The following LRRTM4 variants were observed in gnomAD, a reference collection of about 807,000 sequenced individuals.
The protein encoded by LRRTM4 is leucine-rich repeat transmembrane neuronal protein 4.
LRRTM4 carries 25 observed loss-of-function variants against 47.6 expected under a neutral mutation model. The observed-to-expected ratio is 0.53, with a 90% CI of 0.38 to 0.73. The LOEUF (loss-of-function observed/expected upper bound fraction) is 0.73, where lower values mean the gene tolerates loss of function less well. Ranked by LOEUF, LRRTM4 falls within the 30% of genes least tolerant of loss-of-function variation. LRRTM4 has a pLI of 0.00. For missense variants in LRRTM4, 638 were observed against 713.4 expected (o/e 0.89, Z 1.20); for synonymous variants, 311 against 269.5 (o/e 1.15, Z -1.51).
At chr2:77,501,057 G>A (rs539616827) in intron 3 of LRRTM4, among the ~76,000 whole-genome samples, 15 of 150,966 alleles carry the variant, frequency 9.9e-5, no homozygotes, top group Admixed American at 3.3e-4. Flanking sequence ...ATATGGTTCC[G>A]GAGAGGATAA....
At chr2:77,039,899 C>A (rs180989086) in intron 3 of LRRTM4, among the ~76,000 whole-genome samples, 350 of 150,980 alleles carry the variant, frequency 2.3e-3, no homozygotes, top group Non-Finnish European at 2.6e-3. Flanking sequence ...TAGTAATTTT[C>A]TCATTAGTTA....
chr2:77,262,526 A>T (rs1675945750), intron 3 of LRRTM4, among the ~76,000 whole-genome samples: 1 of 151,218 alleles, frequency 6.6e-6, no homozygotes, highest in Non-Finnish European at 1.5e-5. Context: ...CTGTTCTAGG[A>T]TCCCATCTAG....
In LRRTM4 at chr2:77,082,891, C is replaced by T. The variant is rs539883065; in HGVS notation, c.1552-333975G>A. Among the ~76,000 whole-genome samples the T allele has an allele frequency of 2.0e-5, 3 of 152,124 alleles. No individual in the cohort carries two copies. In the South Asian group the frequency reaches 6.2e-4, roughly 32 times the overall value. ...TTTTACTATTTAATCATTTTTATAACACATTACTTTAGAAGAACGACTTGT... is the reference window on the plus strand; with the variant it reads ...TTTTACTATTTAATCATTTTTATAATACATTACTTTAGAAGAACGACTTGT... On this transcript the variant is annotated intron_variant, in intron 3 of 3. Coordinates refer to ENST00000409884, the MANE Select transcript of LRRTM4 (RefSeq NM_001134745.3).
intron 3 of LRRTM4, among the ~76,000 whole-genome samples, chr2:76,751,744 T>C (rs1672856212): frequency 6.6e-6 from 1 of 152,136 alleles, no homozygotes; most frequent in African/African-American, 2.4e-5. Flanking sequence ...TGGAGATATG[T>C]GGGATTGGTG....
chr2:76,790,501 G>T (rs1396283656), intron 3 of LRRTM4, among the ~76,000 whole-genome samples: 1 of 152,034 alleles, frequency 6.6e-6, no homozygotes. Flanking sequence ...TTAAAATGAG[G>T]AAAATGGAAA....
intron 3 of LRRTM4, among the ~76,000 whole-genome samples, chr2:77,345,512 A>T (rs1036826617): frequency 2.0e-5 from 3 of 151,970 alleles, no homozygotes; most frequent in Non-Finnish European, 2.9e-5. Flanking sequence ...CAACTCATTG[A>T]AGGAGATATA....
At chr2:77,406,348 G>A (rs370786065) in intron 3 of LRRTM4, among the ~76,000 whole-genome samples, 1 of 152,018 alleles carries the variant, frequency 6.6e-6, no homozygotes. Flanking sequence ...TAGAGACAGG[G>A]TCTCATTCTG....
intron 3 of LRRTM4, among the ~76,000 whole-genome samples, chr2:76,873,506 G>GTGTATATATATA (rs367573475): frequency 0.022 from 2,503 of 112,212 alleles, 70 homozygotes; most frequent in East Asian, 0.054. Context: ...ATATATGTGT[G>GTGTATATATATA]TATATATATA....
chr2:77,163,952 C>T (rs1324514574), intron 3 of LRRTM4, among the ~76,000 whole-genome samples: 1 of 152,128 alleles, frequency 6.6e-6, no homozygotes, highest in Non-Finnish European at 1.5e-5. Context: ...CAAATTCACA[C>T]ATAATAATAT....
intron 3 of LRRTM4, among the ~76,000 whole-genome samples, chr2:76,764,771 A>G (rs569277921): frequency 4.5e-4 from 69 of 152,344 alleles, no homozygotes; most frequent in African/African-American, 1.6e-3. Flanking sequence ...CTATAGAGCT[A>G]TCCAGCTGCC....
At chr2:77,045,354 A>G (rs201448910) in intron 3 of LRRTM4, among the ~76,000 whole-genome samples, 1 of 151,886 alleles carries the variant, frequency 6.6e-6, no homozygotes, top group East Asian at 1.9e-4. Flanking sequence ...TATTTTATTT[A>G]TCAGCTGAAG....
At chr2:77,142,168 C>T (rs907240527) in intron 3 of LRRTM4, among the ~76,000 whole-genome samples, 2 of 152,064 alleles carry the variant, frequency 1.3e-5, no homozygotes, top group African/African-American at 2.4e-5. Context: ...AAGTCTTCCT[C>T]GGTGATCAGA....
At chr2:77,450,061 T>A (rs1676198648) in intron 3 of LRRTM4, among the ~76,000 whole-genome samples, 1 of 152,158 alleles carries the variant, frequency 6.6e-6, no homozygotes, top group African/African-American at 2.4e-5. Flanking sequence ...TCAAGTAACA[T>A]ATAACAGACA....
chr2:77,156,502 T>C (rs554576965), intron 3 of LRRTM4, among the ~76,000 whole-genome samples: 30 of 152,054 alleles, frequency 2.0e-4, no homozygotes, highest in Non-Finnish European at 2.1e-4. Flanking sequence ...CTTTATGTAG[T>C]AAAAGGGACA....
At chr2:76,958,996 C>T (rs771356164) in intron 3 of LRRTM4, among the ~76,000 whole-genome samples, 7 of 151,550 alleles carry the variant, frequency 4.6e-5, no homozygotes, top group Non-Finnish European at 7.4e-5. Flanking sequence ...GAAGCAGCCA[C>T]ACGGTCATTG....
chr2:77,303,045 G>A (rs1475703288), intron 3 of LRRTM4, among the ~76,000 whole-genome samples: 2 of 152,178 alleles, frequency 1.3e-5, no homozygotes, highest in South Asian at 2.1e-4. Context: ...CCCCACCATT[G>A]CTCAGGCCCT....
rs1378524508 is a variant in LRRTM4 at position 77,379,715 on chromosome 2, T to G, written c.1551+138603A>C. On this transcript the variant is annotated intron_variant, in intron 3 of 3. Transcript: ENST00000409884. The stretch of plus-strand genomic sequence containing the variant: ...TATGAATAAATTCTGTTTTGTTTTG[T>G]TTTTTATTTCGCCTTCTTTCTTCAA... 2.0e-5 allele frequency among the ~76,000 whole-genome samples: 3 copies of G among 152,120 alleles called. No individual in the cohort carries two copies. The East Asian group carries it at 5.8e-4, about 29-fold the overall frequency.
At chr2:76,801,771 A>G (rs563836302) in intron 3 of LRRTM4, among the ~76,000 whole-genome samples, 1 of 152,216 alleles carries the variant, frequency 6.6e-6, no homozygotes, top group African/African-American at 2.4e-5. Flanking sequence ...AGGATCATTC[A>G]CCACGATCAA....
intron 3 of LRRTM4, among the ~76,000 whole-genome samples, chr2:77,280,870 A>G (rs1676490081): frequency 6.6e-6 from 1 of 151,974 alleles, no homozygotes; most frequent in Non-Finnish European, 1.5e-5. Context: ...ATTGCTTGAA[A>G]TCTAGCTTAT....
Sources: allele counts gnomAD v4.1 joint callset (sites outside exome capture counted in the v4.1 genomes callset), GRCh38; gene constraint gnomAD v4.1.1; transcripts MANE v1.5; gene names NCBI Gene and HGNC (gene_info 2026-07-23, HGNC 2026-07-21).